The following THRB variants were observed in gnomAD, a reference collection of about 807,000 sequenced individuals.
THRB encodes the protein thyroid hormone receptor beta, also known as nuclear receptor subfamily 1 group A member 2.
In THRB, 12 loss-of-function variants were observed where a neutral mutation model predicts 47.8. The observed-to-expected ratio is 0.25, with a 90% CI of 0.16 to 0.41. THRB has a LOEUF of 0.41. THRB is among the 10% of genes least tolerant of loss of function. THRB has a pLI of 1.00. For synonymous variants in THRB, 218 were observed against 212.2 expected, an observed-to-expected ratio of 1.03 and a Z score of -0.24; for missense variants, 348 against 589.2, an observed-to-expected ratio of 0.59 and a Z score of 4.24.
At chr3:24,274,270 C>T (rs948727615) in intron 3 of THRB, among the ~76,000 whole-genome samples, 1 of 152,104 alleles carries the variant, frequency 6.6e-6, no homozygotes, top group Admixed American at 6.6e-5. Context: ...GGCACTTACA[C>T]AGGCCTAATA....
chr3:24,198,622 C>A (rs1162017753), intron 4 of THRB, among the ~76,000 whole-genome samples: 4 of 152,106 alleles, frequency 2.6e-5, no homozygotes, highest in Non-Finnish European at 5.9e-5. Flanking sequence ...ATCCACACAG[C>A]TTTCCCTTAC....
intron 5 of THRB, among the ~76,000 whole-genome samples, chr3:24,160,449 C>T (rs1389775943): frequency 2.0e-5 from 3 of 152,134 alleles, no homozygotes; most frequent in Non-Finnish European, 4.4e-5. Flanking sequence ...GGCAGGAAAA[C>T]ATGGCGGGAG....
intron 1 of THRB, among the ~76,000 whole-genome samples, chr3:24,361,244 C>A (rs147604834): frequency 7.6e-4 from 116 of 152,244 alleles, no homozygotes; most frequent in African/African-American, 2.6e-3. Context: ...CTTGGAAATT[C>A]ATAACTCTAA....
chr3:24,477,904 G>A (rs1050604643), intron 1 of THRB, among the ~76,000 whole-genome samples: 7 of 149,742 alleles, frequency 4.7e-5, no homozygotes, highest in Non-Finnish European at 1.0e-4. Flanking sequence ...ACCTGAATAT[G>A]TGGACAGCTA....
intron 1 of THRB, among the ~76,000 whole-genome samples, chr3:24,384,562 C>T (rs1175649535): frequency 6.6e-6 from 1 of 152,016 alleles, no homozygotes; most frequent in African/African-American, 2.4e-5. Flanking sequence ...GGACAGACAT[C>T]CATAAAATCA....
intron 1 of THRB, among the ~76,000 whole-genome samples, chr3:24,344,686 GAT>G (rs56725603): frequency 0.013 from 1,983 of 149,496 alleles, 18 homozygotes; most frequent in South Asian, 0.026. Flanking sequence ...AATATGTAGG[GAT>G]ATATATATAT....
intron 4 of THRB, among the ~76,000 whole-genome samples, chr3:24,215,902 C>G (rs1438289501): frequency 2.0e-5 from 3 of 152,168 alleles, no homozygotes; most frequent in African/African-American, 7.2e-5. Flanking sequence ...AAGGAAAGAA[C>G]CTGGGTCCAT....
chr3:24,298,507 A>G (rs1355197630), intron 2 of THRB, among the ~76,000 whole-genome samples: 3 of 152,248 alleles, frequency 2.0e-5, no homozygotes, highest in Non-Finnish European at 4.4e-5. Flanking sequence ...CTTGTATTGC[A>G]TTTGTTTATG....
At chr3:24,216,406 C>T (rs943423476) in intron 4 of THRB, among the ~76,000 whole-genome samples, 64 of 152,128 alleles carry the variant, frequency 4.2e-4, no homozygotes, top group Non-Finnish European at 2.2e-4. Context: ...GAGATCGAGA[C>T]CATCCTGGCT....
intron 1 of THRB, among the ~76,000 whole-genome samples, chr3:24,483,249 G>T (rs898804048): frequency 3.3e-5 from 5 of 152,034 alleles, no homozygotes; most frequent in African/African-American, 1.2e-4. Flanking sequence ...AAGAAAACAA[G>T]CAAATATTCT....
At chr3:24,297,686 G>T (rs551663769) in intron 2 of THRB, among the ~76,000 whole-genome samples, 2 of 152,338 alleles carry the variant, frequency 1.3e-5, no homozygotes, top group East Asian at 3.9e-4. Flanking sequence ...AGCTACAACA[G>T]ACTTCCAAAC....
In THRB at chr3:24,284,681, A is replaced by G. The variant is rs984678872; in HGVS notation, c.-43+12545T>C. ...GGGAGAAAATTTTTGCAACCTACTC[A>G]TCTGACAAAGGGCTAATATCCAGAA... On this transcript the variant is annotated intron_variant, in intron 3 of 10. Coordinates refer to ENST00000646209, the MANE Select transcript of THRB (RefSeq NM_001354712.2). Among the ~76,000 whole-genome samples, 91 of 149,542 alleles carry G rather than the reference A, an allele frequency of 6.1e-4. 1 individual carries two copies. The highest frequency in any genetic ancestry group is 2.2e-4 in the Non-Finnish European group (15 of 68,008).
At chr3:24,490,299 C>G (rs1697946135) in intron 1 of THRB, among the ~76,000 whole-genome samples, 1 of 152,212 alleles carries the variant, frequency 6.6e-6, no homozygotes, top group South Asian at 2.1e-4. Flanking sequence ...AGCTTTGACA[C>G]TAGAACAAGC....
chr3:24,445,433 G>A (rs2071973797), intron 1 of THRB, among the ~76,000 whole-genome samples: 1 of 151,982 alleles, frequency 6.6e-6, no homozygotes, highest in African/African-American at 2.4e-5. Context: ...TCAGAGAGCA[G>A]AATACTCAAA....
At chr3:24,438,002 G>A (rs183423881) in intron 1 of THRB, among the ~76,000 whole-genome samples, 1 of 151,796 alleles carries the variant, frequency 6.6e-6, no homozygotes, top group East Asian at 2.0e-4. Flanking sequence ...TGTTTTTCAA[G>A]GGCTTTATAC....
At chr3:24,389,166 C>T (rs959633507) in intron 1 of THRB, among the ~76,000 whole-genome samples, 4 of 152,080 alleles carry the variant, frequency 2.6e-5, no homozygotes, top group African/African-American at 9.7e-5. Flanking sequence ...GGGATGAATA[C>T]AGATTTTTGG....
intron 1 of THRB, among the ~76,000 whole-genome samples, chr3:24,365,289 A>G (rs1485426512): frequency 6.6e-6 from 1 of 152,166 alleles, no homozygotes; most frequent in Non-Finnish European, 1.5e-5. Context: ...GAACAGGCAG[A>G]GGGCAGAACA....
intron 3 of THRB, among the ~76,000 whole-genome samples, chr3:24,288,280 T>C (rs2055544177): frequency 6.6e-6 from 1 of 152,226 alleles, no homozygotes; most frequent in Admixed American, 6.5e-5. Context: ...TGAAGTATGA[T>C]TGGCAGCTGC....
chr3:24,388,212 C>T (rs1342671902), intron 1 of THRB, among the ~76,000 whole-genome samples: 1 of 152,116 alleles, frequency 6.6e-6, no homozygotes, highest in African/African-American at 2.4e-5. Context: ...GGCCCAGCCC[C>T]GTCACCCAAC....
Sources: allele counts gnomAD v4.1 joint callset (sites outside exome capture counted in the v4.1 genomes callset), GRCh38; gene constraint gnomAD v4.1.1; transcripts MANE v1.5; gene names NCBI Gene and HGNC (gene_info 2026-07-23, HGNC 2026-07-21).